ERN2: variants seen among roughly 807,000 people sequenced by gnomAD.
The protein encoded by ERN2 is serine/threonine-protein kinase/endoribonuclease IRE2.
Under a neutral mutation model 107.9 loss-of-function variants are expected in ERN2, and 111 were observed. The observed-to-expected ratio is 1.03, with a 90% confidence interval of 0.88 to 1.20. ERN2 has a LOEUF of 1.20. ERN2 is among the 50% of genes most tolerant of loss of function. The pLI, the probability that ERN2 is intolerant of heterozygous loss-of-function variation, is 0.00. For synonymous variants in ERN2, 524 were observed against 501.7 expected, an observed-to-expected ratio of 1.04 and a Z score of -0.59; for missense variants, 1,225 against 1,197.9, an observed-to-expected ratio of 1.02 and a Z score of -0.33.
Position 23,705,022 on chromosome 16 carries a change from C to T in ERN2, c.715G>A (p.Gly239Ser), listed in dbSNP as rs761777412. 3.6e-5 allele frequency: 58 copies of T among 1,613,944 alleles called. No homozygotes were observed. The highest frequency in any genetic ancestry group is 9.3e-5 in the African/African-American group (7 of 75,062). The change falls in exon 8 of 22, where the codon GGC becomes AGC. Residue 239 changes from glycine (G) to serine (S), a missense_variant. Gly to Ser is a moderately conservative substitution (Grantham distance 56). Transcript: ENST00000256797. ...VMGVYTWHQD[G>S]LRQLPHLTLA... is the part of the protein sequence containing the mutation. ...GTGAGATGCGGCAGCTGGCGCAGGC[C>T]GTCCTGGTGCCAGGTGTAGACGCCC... is the stretch of plus-strand genomic sequence containing the variant.
chr16:23,704,200 G>A (rs1960205818), intron 8 of ERN2, among the ~76,000 whole-genome samples: 1 of 152,110 alleles, frequency 6.6e-6, no homozygotes, highest in South Asian at 2.1e-4. Context: ...GTTAAATAAG[G>A]TTGTTATTTA....
At chr16:23,695,722 CAAAAAAA>C (rs57103138) in intron 14 of ERN2, among the ~76,000 whole-genome samples, 165 bp downstream of exon 14, 3 of 37,388 alleles carry the variant, frequency 8.0e-5, no homozygotes, top group South Asian at 1.2e-3. Flanking sequence ...GAGCAAGACT[CAAAAAAA>C]AAAAAAAAAA....
chr16:23,703,704 T>G (rs1960185068), intron 8 of ERN2, among the ~76,000 whole-genome samples: 1 of 152,240 alleles, frequency 6.6e-6, no homozygotes, highest in African/African-American at 2.4e-5. Context: ...GCTCTACTCC[T>G]TTCTCAGGTC....
intron 7 of ERN2, 105 bp downstream of exon 7, chr16:23,706,225 T>C: frequency 1.3e-6 from 1 of 752,574 alleles, no homozygotes; most frequent in Non-Finnish European, 2.1e-6. Context: ...CCTGGGGAGG[T>C]CAAGTGGGTC....
chr16:23,709,331 C>T (rs73550213), intron 4 of ERN2: 16,029 of 331,676 alleles, frequency 0.048, 730 homozygotes, highest in African/African-American at 0.15. Flanking sequence ...AAAGGAATTC[C>T]GACAAAGCAC....
rs1021644717 is a variant in ERN2, at chr16:23,695,195, C to G, written c.1800+5G>C. The G allele has an allele frequency of 3.7e-6, 6 of 1,613,872 alleles. No individual in the cohort carries two copies. The highest frequency in any genetic ancestry group is 5.1e-6 in the Non-Finnish European group (6 of 1,179,910). On this transcript the variant is annotated splice_donor_5th_base_variant and intron_variant, in intron 15 of 21. Coordinates refer to ENST00000256797, the MANE Select transcript of ERN2 (RefSeq NM_033266.4). ...TCACCCTCCCTGAACCGCAATGCAA[C>G]TCACCTCCTGCAAGGAGGCCCGGCA...
intron 8 of ERN2, among the ~76,000 whole-genome samples, chr16:23,703,950 ATATCTG>A (rs1365679993): frequency 2.6e-5 from 4 of 152,078 alleles, no homozygotes; most frequent in Non-Finnish European, 5.9e-5. Flanking sequence ...GTCTCTTCAC[ATATCTG>A]TCTCTCCCAT....
rs1960500100 is a variant in ERN2, at chr16:23,710,565, C to A, written c.200-16G>T. The A allele has an allele frequency of 6.2e-7, 1 of 1,614,122 alleles. No homozygotes were observed. Among genetic ancestry groups the A allele is most frequent in the East Asian group, 2.2e-5 (1 of 44,888 alleles). ...ATGACGGGATCTGCAGGGACAGGGA[C>A]ACAGAACATAAGCAGTTTCCTCCAG... On this transcript the variant is annotated splice_polypyrimidine_tract_variant and intron_variant, in intron 2 of 21. Coordinates refer to ENST00000256797, the MANE Select transcript of ERN2 (RefSeq NM_033266.4).
intron 1 of ERN2, among the ~76,000 whole-genome samples, chr16:23,711,680 C>T (rs1180529366): frequency 6.6e-6 from 1 of 152,150 alleles, no homozygotes; most frequent in East Asian, 1.9e-4. Context: ...TATTAGTTTT[C>T]CCATTCTACA....
At position 23,691,090 on chromosome 16, in the gene ERN2, C is replaced by T. The variant is rs558175970; in HGVS notation, c.2568+39G>A. ...AACCCTGGCTCAGCTGCGGCCAGGC[C>T]TTCCCAAGACCCAGGCCCACCCAGG... is the stretch of plus-strand genomic sequence containing the variant. On this transcript the variant is annotated intron_variant, in intron 21 of 21. Coordinates refer to ENST00000256797, the MANE Select transcript of ERN2 (RefSeq NM_033266.4). 1.7e-5 allele frequency: 27 copies of T among 1,613,936 alleles called. No homozygotes were observed. The South Asian group carries it at 3.0e-4, about 18-fold the overall frequency.
chr16:23,700,512 T>C, intron 13 of ERN2, 27 bp downstream of exon 13: 2 of 1,575,106 alleles, frequency 1.3e-6, no homozygotes, highest in South Asian at 1.2e-5. Flanking sequence ...TGTTCCTGAC[T>C]GCCCTGTCTT....
intron 13 of ERN2, among the ~76,000 whole-genome samples, chr16:23,698,349 A>G (rs1959911475): frequency 6.6e-6 from 1 of 152,174 alleles, no homozygotes; most frequent in Non-Finnish European, 1.5e-5. Context: ...AGAATTCTAT[A>G]ATAACATTCA....
Position 23,713,166 on chromosome 16 carries a change from A to T in ERN2, c.22T>A (p.Ser8Thr). 6.4e-7 allele frequency: 1 copy of T among 1,574,464 alleles called. No individual in the cohort carries two copies. The highest frequency in any genetic ancestry group is 8.6e-7 in the Non-Finnish European group (1 of 1,166,544). Residue 8 changes from serine to threonine, a missense_variant, in exon 1 of 22, where the codon TCG becomes ACG. By Grantham distance (58) the Ser-to-Thr change is moderately conservative (BLOSUM62 1). Coordinates refer to ENST00000256797, the MANE Select transcript of ERN2 (RefSeq NM_033266.4). ...AGCCCCAGCCGGGGCCACGGCCTCG[A>T]CCCCCTGACCGCACTCGCCATAGCG... MASAVRGSRPWPRLGLQL... is the reference protein window; with the variant it reads MASAVRGTRPWPRLGLQL...
chr16:23,706,897 G>A, intron 5 of ERN2, 36 bp from the exon 6 acceptor site: 1 of 1,585,524 alleles, frequency 6.3e-7, no homozygotes. Flanking sequence ...TCTCAAGTTG[G>A]CATGGGAAGA....
chr16:23,698,131 G>C (rs1959904653), intron 13 of ERN2, among the ~76,000 whole-genome samples: 2 of 152,138 alleles, frequency 1.3e-5, no homozygotes, highest in Admixed American at 6.5e-5. Flanking sequence ...ACAGGTTGGG[G>C]AACACTTACA....
chr16:23,702,918 C>T (rs1270134452), intron 8 of ERN2, among the ~76,000 whole-genome samples: 1 of 151,670 alleles, frequency 6.6e-6, no homozygotes, highest in African/African-American at 2.4e-5. Context: ...TTCTTTAGAC[C>T]CTGAGACCAC....
intron 11 of ERN2, among the ~76,000 whole-genome samples, chr16:23,701,741 C>A (rs183706155): frequency 6.6e-6 from 1 of 151,830 alleles, no homozygotes; most frequent in Non-Finnish European, 1.5e-5. Context: ...GCAATCCTCC[C>A]ACGTCAGCCT....
intron 4 of ERN2, chr16:23,709,775 A>C: frequency 5.4e-6 from 1 of 186,528 alleles, no homozygotes; most frequent in South Asian, 1.1e-4. Flanking sequence ...CAGCAGAAGA[A>C]CCACTGTGCT....
rs1310751976 is a variant in ERN2 at position 23,708,071 on chromosome 16, C to T, written c.307-992G>A. On this transcript the variant is annotated intron_variant, in intron 4 of 21. Coordinates refer to ENST00000256797, the MANE Select transcript of ERN2 (RefSeq NM_033266.4). ...TTGTCACAAAGTCCTCACGGGCTGG[C>T]TGTGTTCCTCTACCGAAGCCCTGAG... Among the ~76,000 whole-genome samples, 12 of 152,162 alleles carry T rather than the reference C, an allele frequency of 7.9e-5. 1 individual carries two copies. Among genetic ancestry groups the T allele is most frequent in the Admixed American group, 3.9e-4 (6 of 15,276 alleles).
Sources: gnomAD v4.1 joint callset for allele counts (sites outside exome capture counted in the v4.1 genomes callset) on GRCh38, gnomAD v4.1.1 for gene constraint, MANE v1.5 for transcripts, NCBI Gene and HGNC (gene_info 2026-07-23, HGNC 2026-07-21) for gene names.